The following MARCHF1 variants were observed in gnomAD, a reference collection of about 807,000 sequenced individuals.
MARCHF1 encodes E3 ubiquitin-protein ligase MARCHF1.
A neutral mutation model predicts 54.2 loss-of-function variants in MARCHF1; 40 were observed. The observed-to-expected ratio is 0.74, with a 90% confidence interval of 0.57 to 0.96. The LOEUF (loss-of-function observed/expected upper bound fraction) is 0.96, where lower values mean the gene tolerates loss of function less well. MARCHF1 is among the 40% of genes least tolerant of loss of function. The pLI is 0.00. For synonymous variants in MARCHF1, 236 were observed against 236.3 expected, an observed-to-expected ratio of 1.00 and a Z score of 0.01; for missense variants, 586 against 656.5, an observed-to-expected ratio of 0.89 and a Z score of 1.17.
chr4:164,056,575 T>C (rs1466745778), intron 2 of MARCHF1, among the ~76,000 whole-genome samples: 5 of 152,088 alleles, frequency 3.3e-5, no homozygotes, highest in African/African-American at 1.2e-4. Flanking sequence ...ATCCTAAAAA[T>C]GTTAGTATTG....
chr4:163,603,779 C>T (rs940043538), intron 7 of MARCHF1, among the ~76,000 whole-genome samples: 1 of 151,978 alleles, frequency 6.6e-6, no homozygotes, highest in South Asian at 2.1e-4. Context: ...AAAGTCATAC[C>T]TATTTTCCCT....
At chr4:164,142,815 G>C (rs907782391) in intron 1 of MARCHF1, among the ~76,000 whole-genome samples, 32 of 152,182 alleles carry the variant, frequency 2.1e-4, no homozygotes, top group Admixed American at 1.3e-4. Context: ...GAACAAAGCT[G>C]GACGGAGAAT....
intron 3 of MARCHF1, among the ~76,000 whole-genome samples, chr4:163,933,931 T>C (rs1489003321): frequency 6.6e-6 from 1 of 152,262 alleles, no homozygotes; most frequent in African/African-American, 2.4e-5. Flanking sequence ...CCTGCCTTTG[T>C]AGTTCTGGTA....
chr4:163,674,226 T>C (rs1743828818), intron 5 of MARCHF1, among the ~76,000 whole-genome samples: 1 of 152,156 alleles, frequency 6.6e-6, no homozygotes, highest in South Asian at 2.1e-4. Context: ...CAAAAATGTG[T>C]ACAATGTATG....
intron 5 of MARCHF1, among the ~76,000 whole-genome samples, chr4:163,657,698 G>C (rs997382556): frequency 4.6e-5 from 7 of 151,994 alleles, no homozygotes; most frequent in Non-Finnish European, 8.8e-5. Context: ...GCATGGTACT[G>C]GTACAAAAAT....
chr4:163,907,485 G>T (rs1330093767), intron 3 of MARCHF1, among the ~76,000 whole-genome samples: 1 of 151,988 alleles, frequency 6.6e-6, no homozygotes, highest in African/African-American at 2.4e-5. Flanking sequence ...TCTGTTAATG[G>T]CCCCATGTAA....
At chr4:164,319,672 A>G (rs962870938) in intron 1 of MARCHF1, among the ~76,000 whole-genome samples, 1 of 152,128 alleles carries the variant, frequency 6.6e-6, no homozygotes. Context: ...AGTTCAGATA[A>G]TTTATTTAGT....
At chr4:163,733,258 T>TATATATATACACATGTATATATATAC (rs1554008879) in intron 4 of MARCHF1, among the ~76,000 whole-genome samples, 1 of 45,062 alleles carries the variant, frequency 2.2e-5, no homozygotes, top group South Asian at 7.8e-4. Context: ...TATATATATA[T>TATATATATACACATGTATATATATAC]ACACACACAC....
At chr4:164,055,492 C>T (rs776633835) in intron 2 of MARCHF1, among the ~76,000 whole-genome samples, 8 of 150,774 alleles carry the variant, frequency 5.3e-5, no homozygotes, top group African/African-American at 2.4e-5. Flanking sequence ...TTGGATGGAA[C>T]GATCAAGGAT....
At chr4:163,755,161 A>G (rs1746630426) in intron 4 of MARCHF1, among the ~76,000 whole-genome samples, 1 of 152,178 alleles carries the variant, frequency 6.6e-6, no homozygotes, top group Admixed American at 6.5e-5. Context: ...GCAAATAATT[A>G]TCTTGTCCAG....
chr4:164,015,280 T>C (rs1753511872), intron 2 of MARCHF1, among the ~76,000 whole-genome samples: 1 of 152,106 alleles, frequency 6.6e-6, no homozygotes, highest in South Asian at 2.1e-4. Flanking sequence ...GACCCTTATC[T>C]CTCACCATGT....
intron 3 of MARCHF1, among the ~76,000 whole-genome samples, chr4:163,979,111 G>A (rs1339605782): frequency 1.6e-5 from 2 of 125,598 alleles, no homozygotes; most frequent in Admixed American, 1.7e-4. Context: ...ATGCTGGTGC[G>A]CTGCACCCAC....
chr4:163,837,605 C>T (rs1749225693), intron 4 of MARCHF1, among the ~76,000 whole-genome samples: 1 of 151,696 alleles, frequency 6.6e-6, no homozygotes, highest in Non-Finnish European at 1.5e-5. Context: ...AATGATAAAA[C>T]AGTCAATACA....
At chr4:163,761,356 T>C (rs1746820650) in intron 4 of MARCHF1, among the ~76,000 whole-genome samples, 1 of 152,180 alleles carries the variant, frequency 6.6e-6, no homozygotes, top group African/African-American at 2.4e-5. Context: ...AGAGCAAGGA[T>C]GAGCTCCCAA....
chr4:163,757,407 T>A (rs1465966750), intron 4 of MARCHF1, among the ~76,000 whole-genome samples: 1 of 152,212 alleles, frequency 6.6e-6, no homozygotes, highest in Non-Finnish European at 1.5e-5. Flanking sequence ...AATGTGGACA[T>A]CCTGAACATT....
At chr4:163,579,744 T>G (rs1203478109) in intron 8 of MARCHF1, among the ~76,000 whole-genome samples, 1 of 152,190 alleles carries the variant, frequency 6.6e-6, no homozygotes. Flanking sequence ...AAGCTGTGTT[T>G]GAGCTATACT....
chr4:163,583,602 CACTAGGTTGCTGTG>C (rs1430621639), intron 8 of MARCHF1: 1 of 150,318 alleles, frequency 6.7e-6, no homozygotes, highest in Non-Finnish European at 1.5e-5. Context: ...CATAGGTGCC[CACTAGGTTGCTGTG>C]ACACATTCAT....
At chr4:164,337,254 G>T (rs933217247) in intron 1 of MARCHF1, among the ~76,000 whole-genome samples, 3 of 151,992 alleles carry the variant, frequency 2.0e-5, no homozygotes, top group Admixed American at 1.3e-4. Context: ...GTGGGATTTG[G>T]GTGTCCCCCA....
At chr4:164,238,650 A>G (rs906839070) in intron 1 of MARCHF1, among the ~76,000 whole-genome samples, 1 of 151,172 alleles carries the variant, frequency 6.6e-6, no homozygotes, top group Non-Finnish European at 1.5e-5. Flanking sequence ...TATAGTAGCT[A>G]TATTAACATT....
Sources: allele counts gnomAD v4.1 joint callset (sites outside exome capture counted in the v4.1 genomes callset), GRCh38; gene constraint gnomAD v4.1.1; transcripts MANE v1.5; gene names NCBI Gene and HGNC (gene_info 2026-07-23, HGNC 2026-07-21).